Variants in NINJ2 observed in about 807,000 individuals in gnomAD.
NINJ2 encodes the protein ninjurin 2.
In NINJ2, 12 loss-of-function variants were observed where a neutral mutation model predicts 11.7. The ratio of observed to expected loss-of-function variants is 1.02; its 90% confidence interval spans 0.66 to 1.66. NINJ2 has a LOEUF of 1.66. Ranked by LOEUF, NINJ2 falls within the 40% of genes most tolerant of loss-of-function variation. NINJ2 has a pLI of 0.00. For synonymous variants in NINJ2, 93 were observed against 76.8 expected (o/e 1.21, Z -1.10); for missense variants, 187 against 181.8 (o/e 1.03, Z -0.16).
intron 1 of NINJ2, among the ~76,000 whole-genome samples, chr12:651,990 A>C (rs1478963240): frequency 6.6e-6 from 1 of 152,200 alleles, no homozygotes; most frequent in African/African-American, 2.4e-5. Context: ...TAATGGAAAT[A>C]AATGAAGGAG....
chr12:619,490 G>A (rs551719629), intron 1 of NINJ2, among the ~76,000 whole-genome samples: 1 of 152,224 alleles, frequency 6.6e-6, no homozygotes, highest in South Asian at 2.1e-4. Context: ...ATGAGCATAG[G>A]AACTCACCCT....
In NINJ2 at chr12:628,555, C is replaced by G. The variant is rs747408628; in HGVS notation, c.33+34773G>C. 6.6e-6 allele frequency among the ~76,000 whole-genome samples: 1 copy of G among 152,198 alleles called. No individual in the cohort carries two copies. The highest frequency in any genetic ancestry group is 6.5e-5 in the Admixed American group (1 of 15,282). On this transcript the variant is annotated intron_variant, in intron 1 of 3. Coordinates refer to ENST00000305108, the MANE Select transcript of NINJ2 (RefSeq NM_016533.6). This position sits in a 1 kb window ranked among gnomAD's most constrained non-coding sequence, Gnocchi z 4.4. ...AATACGTGTCTATGGCAGAGGCATT[C>G]GAACCAGAATGACTCCATCTTGAAT...
chr12:637,650 A>G lies in NINJ2; in HGVS notation c.33+25678T>C, dbSNP rs372555360. Among the ~76,000 whole-genome samples, 342 of 152,072 alleles carry G rather than the reference A, an allele frequency of 2.2e-3. 1 individual carries two copies. Among genetic ancestry groups the G allele is most frequent in the African/African-American group, 7.3e-3 (304 of 41,498 alleles). On this transcript the variant is annotated intron_variant, in intron 1 of 3. Transcript: ENST00000305108. The stretch of plus-strand genomic sequence containing the variant: ...AGTGAGACTCCATCTCAAAAAAAAA[A>G]AAAAAGAAAAAGAAAAAGAAAAACC...
intron 1 of NINJ2, among the ~76,000 whole-genome samples, chr12:597,377 T>C (rs1947802079): frequency 6.6e-6 from 1 of 152,202 alleles, no homozygotes; most frequent in Non-Finnish European, 1.5e-5. Context: ...AATCTCAGTG[T>C]TGCTATTATT....
intron 1 of NINJ2, among the ~76,000 whole-genome samples, chr12:623,378 G>C (rs1482869353): frequency 6.6e-6 from 1 of 152,196 alleles, no homozygotes; most frequent in Non-Finnish European, 1.5e-5. Flanking sequence ...CTCAGGCCCT[G>C]TGTGACACAC....
chr12:592,269 G>C (rs1947726394), intron 1 of NINJ2, among the ~76,000 whole-genome samples: 1 of 152,248 alleles, frequency 6.6e-6, no homozygotes, highest in Non-Finnish European at 1.5e-5. Flanking sequence ...GTGTCTCCTA[G>C]ATAACATGAG....
intron 1 of NINJ2, among the ~76,000 whole-genome samples, chr12:662,231 C>T (rs560565011): frequency 6.6e-6 from 1 of 152,294 alleles, no homozygotes; most frequent in East Asian, 1.9e-4. Context: ...GGACCGCTCT[C>T]GGGGCTGGCT....
chr12:601,412 G>T (rs759160809), intron 1 of NINJ2, among the ~76,000 whole-genome samples: 5 of 151,150 alleles, frequency 3.3e-5, no homozygotes, highest in Non-Finnish European at 7.4e-5. Context: ...GCCAGGCGTG[G>T]TGGCGGGCGC....
chr12:656,013 C>T (rs1937867658), intron 1 of NINJ2, among the ~76,000 whole-genome samples: 1 of 151,608 alleles, frequency 6.6e-6, no homozygotes, highest in Non-Finnish European at 1.5e-5. Flanking sequence ...TCAAACAATC[C>T]CAATCAAAAT....
At chr12:642,880 C>A (rs1420760735) in intron 1 of NINJ2, 2 of 150,848 alleles carry the variant, frequency 1.3e-5, no homozygotes, top group East Asian at 1.9e-4. Flanking sequence ...CTCGCCCGCC[C>A]GCGTCAGCTG....
chr12:629,896 A>AAAAAAT, intron 1 of NINJ2, among the ~76,000 whole-genome samples: 4 of 9,906 alleles, frequency 4.0e-4, no homozygotes, highest in African/African-American at 5.8e-4. Context: ...AAAAAAAAAA[A>AAAAAAT]ATATATATAT....
rs1221740228 is a variant in NINJ2, at chr12:564,418, G to C, written c.*282C>G. 6.6e-6 allele frequency: 1 copy of C among 152,258 alleles called. No homozygotes were observed. The highest frequency in any genetic ancestry group is 1.5e-5 in the Non-Finnish European group (1 of 68,056). The allele number at this position is 152,258 out of a possible 1,614,324, so 9.4% of individuals were successfully genotyped here. A position where few individuals can be genotyped will look rare whatever the true frequency, so the allele number is the denominator to read the frequency against. ...AGCATCCTTAAGCCGGGCAGACTTG[G>C]CCTTAGACAGACATGCCTTACTTAG... On this transcript the variant is annotated 3_prime_UTR_variant, in exon 4 of 4. Transcript: ENST00000305108.
At chr12:569,404 G>C (rs1481393958) in intron 1 of NINJ2, among the ~76,000 whole-genome samples, 1 of 152,198 alleles carries the variant, frequency 6.6e-6, no homozygotes, top group Non-Finnish European at 1.5e-5. Flanking sequence ...AATTCAAAGT[G>C]TCTCTGCCCA....
At chr12:566,304 C>T (rs1232993673) in intron 1 of NINJ2, 126 bp from the exon 2 acceptor site, 2 of 717,452 alleles carry the variant, frequency 2.8e-6, no homozygotes, top group African/African-American at 1.8e-5. Flanking sequence ...GCAAATGACA[C>T]CCTTAGTTTC....
At chr12:630,166 A>T (rs73598112) in intron 1 of NINJ2, among the ~76,000 whole-genome samples, 8,310 of 151,808 alleles carry the variant, frequency 0.055, 277 homozygotes, top group Non-Finnish European at 0.074. Context: ...TTCCTTCCCC[A>T]GGAGACCAGA....
intron 1 of NINJ2, among the ~76,000 whole-genome samples, chr12:571,729 C>CT (rs1947378940): frequency 6.6e-6 from 1 of 152,158 alleles, no homozygotes; most frequent in Admixed American, 6.5e-5. Context: ...AAAGGAATGC[C>CT]TTTTTTAACA....
chr12:643,370 C>A, intron 1 of NINJ2: 9 of 907,100 alleles, frequency 9.9e-6, no homozygotes, highest in Non-Finnish European at 1.2e-5. Flanking sequence ...TTCCTGAGTC[C>A]GCGGAGGAAA....
At chr12:656,138 G>C (rs1017932470) in intron 1 of NINJ2, among the ~76,000 whole-genome samples, 3 of 152,026 alleles carry the variant, frequency 2.0e-5, no homozygotes, top group Admixed American at 6.5e-5. Context: ...GCTGAGGTGG[G>C]TGGATCATGA....
intron 1 of NINJ2, among the ~76,000 whole-genome samples, chr12:596,205 A>G (rs1161690375): frequency 1.3e-5 from 2 of 152,244 alleles, no homozygotes; most frequent in African/African-American, 4.8e-5. Flanking sequence ...AAATCTGCAC[A>G]TGGATGTTTA....
Sources: gnomAD v4.1 joint callset for allele counts (sites outside exome capture counted in the v4.1 genomes callset) on GRCh38, gnomAD v4.1.1 for gene constraint, Gnocchi (gnomAD v3.1) non-coding constraint, MANE v1.5 for transcripts, NCBI Gene and HGNC (gene_info 2026-07-23, HGNC 2026-07-21) for gene names.